Variants in DNAH8 observed in about 807,000 individuals in gnomAD.
DNAH8 encodes the protein dynein axonemal heavy chain 8.
A neutral mutation model predicts 562.1 loss-of-function variants in DNAH8; 382 were observed. That is an observed-to-expected ratio of 0.68 (90% CI 0.63 to 0.74). DNAH8 has a LOEUF of 0.74. Among genes scored for constraint, DNAH8 ranks in the 30% least tolerant of loss-of-function variants. The probability of loss-of-function intolerance (pLI) is 0.00; values close to 1 mark genes in which losing one functional copy is unlikely to be tolerated. For synonymous variants in DNAH8, 1,881 were observed against 1,919.4 expected, an observed-to-expected ratio of 0.98 and a Z score of 0.52; for missense variants, 5,203 against 5,620.4, an observed-to-expected ratio of 0.93 and a Z score of 2.37.
Position 38,807,695 on chromosome 6 carries a change from AAAG to A in DNAH8, c.3242_3244del (p.Arg1081del), listed in dbSNP as rs1234337314. On this transcript the variant is annotated inframe_deletion, in exon 24 of 93. Coordinates refer to ENST00000327475, the MANE Select transcript of DNAH8 (RefSeq NM_001206927.2). ...ACACGGTTATCTCTGGACACAATGA[AAAG>A]AAGAATATTTGTTGCAAGGCAAGTT... 9.2e-6 allele frequency: 14 copies of A among 1,527,330 alleles called. No homozygotes were observed. The highest frequency in any genetic ancestry group is 1.4e-5 in the African/African-American group (1 of 71,864). 94.6% of individuals were successfully genotyped at this position (1,527,330 alleles called of 1,614,324 possible).
intron 88 of DNAH8, among the ~76,000 whole-genome samples, chr6:39,001,270 A>G (rs1765462527): frequency 6.6e-6 from 1 of 152,022 alleles, no homozygotes; most frequent in Non-Finnish European, 1.5e-5. Context: ...GATGGGAATT[A>G]GCATTTTGCA....
At chr6:39,002,392 T>C (rs985492571) in intron 88 of DNAH8, among the ~76,000 whole-genome samples, 1 of 152,236 alleles carries the variant, frequency 6.6e-6, no homozygotes, top group Non-Finnish European at 1.5e-5. Flanking sequence ...CCTTGACTTT[T>C]GTTGACTTCA....
At position 38,823,598 on chromosome 6, in the gene DNAH8, A is replaced by C; in HGVS notation, c.3757A>C (p.Arg1253=). The change falls in exon 28 of 93, where the codon AGA becomes CGA. Residue 1253 remains arginine (R), a synonymous_variant. Transcript: ENST00000327475. Reference sequence around the variant, plus strand: ...TAACAACCCCTCTCTGACTGAAATCAGATCAGAAATTCTACACTATGCTAC... The same window carrying C: ...TAACAACCCCTCTCTGACTGAAATCCGATCAGAAATTCTACACTATGCTAC... ...LANNPSLTEI[R]SEILHYATFE... 1 of 1,609,774 alleles carries C rather than the reference A, an allele frequency of 6.2e-7. No individual in the cohort carries two copies. The highest frequency in any genetic ancestry group is 1.3e-5 in the African/African-American group (1 of 74,956).
At chr6:38,911,117 C>A (rs1338584333) in intron 65 of DNAH8, among the ~76,000 whole-genome samples, 1 of 152,184 alleles carries the variant, frequency 6.6e-6, no homozygotes, top group African/African-American at 2.4e-5. Context: ...AATATTTGTC[C>A]AGAACCTTAA....
intron 79 of DNAH8, among the ~76,000 whole-genome samples, chr6:38,940,775 C>T (rs893262336): frequency 1.3e-5 from 2 of 152,178 alleles, no homozygotes; most frequent in Admixed American, 1.3e-4. Flanking sequence ...TTGTGACCAG[C>T]TCTTATGACT....
intron 85 of DNAH8, among the ~76,000 whole-genome samples, chr6:38,981,937 T>C (rs1764064971): frequency 1.3e-5 from 2 of 152,216 alleles, no homozygotes; most frequent in Non-Finnish European, 2.9e-5. Flanking sequence ...TGTAAGAGTA[T>C]AATGTATTTT....
chr6:38,964,442 C>T (rs1298387974), intron 82 of DNAH8, among the ~76,000 whole-genome samples: 9 of 147,442 alleles, frequency 6.1e-5, no homozygotes, highest in Admixed American at 2.0e-4. Context: ...CGGGCAGAGG[C>T]GCCCCTCACT....
intron 26 of DNAH8, among the ~76,000 whole-genome samples, chr6:38,816,842 T>C (rs1772326544): frequency 6.6e-6 from 1 of 152,162 alleles, no homozygotes; most frequent in Non-Finnish European, 1.5e-5. Flanking sequence ...ATCACTGATG[T>C]TGAGCTTTTT....
intron 77 of DNAH8, among the ~76,000 whole-genome samples, chr6:38,936,068 G>A (rs1192328134): frequency 2.0e-5 from 3 of 148,478 alleles, no homozygotes; most frequent in African/African-American, 7.5e-5. Context: ...TGTCTCCCAA[G>A]CCAGACGTGG....
chr6:38,856,021 G>A (rs7772148), intron 41 of DNAH8, among the ~76,000 whole-genome samples: 63,578 of 152,038 alleles, frequency 0.42, 13,962 homozygotes, highest in East Asian at 0.69. Context: ...GTGCCAAAAA[G>A]GCTGGGGACC....
chr6:38,868,288 G>A, intron 48 of DNAH8, 92 bp downstream of exon 48: 10 of 1,262,718 alleles, frequency 7.9e-6, no homozygotes, highest in Non-Finnish European at 1.1e-5. Flanking sequence ...GTTGAGCTGT[G>A]AGCACCCATA....
At chr6:38,715,927 T>TAAATAAATAAATAAATAA (rs1295765006) in intron 1 of DNAH8, among the ~76,000 whole-genome samples, 10 of 31,602 alleles carry the variant, frequency 3.2e-4, no homozygotes, top group African/African-American at 7.8e-4. Flanking sequence ...AATAAATAAA[T>TAAATAAATAAATAAATAA]ATATATATAT....
Position 38,917,248 on chromosome 6 carries a change from C to T in DNAH8, c.10150C>T (p.Pro3384Ser). ...EAEAALNTIK[P>S]NDIATVRKLA... ...TTAATCCCAAATATAGACTATCAAG[C>T]CAAATGATATTGCCACAGTCAGGAA... Residue 3384 changes from proline to serine, a missense_variant, in exon 69 of 93, where the codon CCA (proline) becomes TCA (serine). By Grantham distance (74) the Pro-to-Ser change is moderately conservative. This residue lies in a region of DNAH8 where 87 missense variants were observed against 144.9 expected (regional missense o/e 0.60). Coordinates refer to ENST00000327475, the MANE Select transcript of DNAH8 (RefSeq NM_001206927.2). 6.2e-7 allele frequency: 1 copy of T among 1,609,696 alleles called. No individual in the cohort carries two copies. Among genetic ancestry groups the T allele is most frequent in the Non-Finnish European group, 8.5e-7 (1 of 1,177,768 alleles).
At chr6:38,791,456 A>G in intron 20 of DNAH8, 99 bp from the exon 21 acceptor site, 1 of 1,360,640 alleles carries the variant, frequency 7.3e-7, no homozygotes, top group African/African-American at 1.5e-5. Flanking sequence ...TTCTAGACTT[A>G]GCCTTCTAAA....
At chr6:38,863,180 T>A (rs1776771176) in intron 44 of DNAH8, among the ~76,000 whole-genome samples, 1 of 152,128 alleles carries the variant, frequency 6.6e-6, no homozygotes, top group South Asian at 2.1e-4. Flanking sequence ...ACGCTTGTAA[T>A]CCCAGCACTT....
intron 88 of DNAH8, among the ~76,000 whole-genome samples, chr6:39,006,009 A>T (rs1271662814): frequency 6.6e-6 from 1 of 152,252 alleles, no homozygotes. Context: ...GGCCTCTAGT[A>T]GCTGAGAAGG....
chr6:38,884,648 G>C (rs1285542315), intron 56 of DNAH8, among the ~76,000 whole-genome samples: 1 of 152,104 alleles, frequency 6.6e-6, no homozygotes, highest in African/African-American at 2.4e-5. Flanking sequence ...CTTGACTTCA[G>C]TGTCCTTTCT....
At chr6:38,799,848 G>T (rs781527229) in intron 21 of DNAH8, among the ~76,000 whole-genome samples, 7 of 152,106 alleles carry the variant, frequency 4.6e-5, no homozygotes, top group Non-Finnish European at 1.0e-4. Context: ...CATACAAATG[G>T]AATCATACAA....
chr6:39,022,308 A>G (rs1488396356), intron 91 of DNAH8, among the ~76,000 whole-genome samples: 1 of 152,050 alleles, frequency 6.6e-6, no homozygotes, highest in Non-Finnish European at 1.5e-5. Context: ...CTACCTTTTT[A>G]TCTGCCTTCA....
Sources: allele counts gnomAD v4.1 joint callset (sites outside exome capture counted in the v4.1 genomes callset), GRCh38; gene constraint gnomAD v4.1.1; regional missense constraint gnomAD v4.1.1; transcripts MANE v1.5; gene names NCBI Gene and HGNC (gene_info 2026-07-23, HGNC 2026-07-21).